The following RUNX1 variants were observed in gnomAD, a reference collection of about 807,000 sequenced individuals.
RUNX1 encodes the protein RUNX family transcription factor 1.
In RUNX1, 19 loss-of-function variants were observed where a neutral mutation model predicts 42.8. The observed-to-expected ratio is 0.44, with a 90% CI of 0.31 to 0.65. The LOEUF (loss-of-function observed/expected upper bound fraction) is 0.65. Ranked by LOEUF, RUNX1 falls within the 30% of genes least tolerant of loss-of-function variation. The pLI is 0.07. For synonymous variants in RUNX1, 271 were observed against 289.4 expected (o/e 0.94, Z 0.64); for missense variants, 528 against 672.0 (o/e 0.79, Z 2.37).
chr21:34,951,754 T>G (rs1268954093), intron 2 of RUNX1, among the ~76,000 whole-genome samples: 1 of 152,074 alleles, frequency 6.6e-6, no homozygotes, highest in African/African-American at 2.4e-5. Context: ...TGTGGAGAAA[T>G]AGGAAAGCTT....
chr21:34,886,624 C>T (rs1042573365), intron 4 of RUNX1, among the ~76,000 whole-genome samples: 1 of 152,262 alleles, frequency 6.6e-6, no homozygotes, highest in Non-Finnish European at 1.5e-5. Flanking sequence ...ATGTTTTCAG[C>T]CCTCCTGGGA....
chr21:34,999,107 G>A (rs114442783), intron 2 of RUNX1, among the ~76,000 whole-genome samples: 28 of 152,330 alleles, frequency 1.8e-4, no homozygotes, highest in African/African-American at 6.3e-4. Context: ...CTTTGGGTGA[G>A]CAGGGCAGCA....
chr21:35,047,858 G>A (rs1005727126), intron 2 of RUNX1, among the ~76,000 whole-genome samples: 2 of 152,164 alleles, frequency 1.3e-5, no homozygotes, highest in Admixed American at 6.5e-5. Flanking sequence ...GTCAGAGTGC[G>A]TGCCCCGACG....
At chr21:34,834,156 T>C (rs1184004889) in intron 7 of RUNX1, 1 of 692,832 alleles carries the variant, frequency 1.4e-6, no homozygotes, top group East Asian at 2.7e-5. Context: ...GAGCTCCTCG[T>C]ATCCTCTGTA....
At chr21:34,962,190 G>T (rs900343654) in intron 2 of RUNX1, among the ~76,000 whole-genome samples, 4 of 152,218 alleles carry the variant, frequency 2.6e-5, no homozygotes, top group African/African-American at 9.6e-5. Flanking sequence ...ACTGTGCCCA[G>T]CTGTAAGTTG....
At chr21:35,015,728 G>C (rs2059154502) in intron 2 of RUNX1, among the ~76,000 whole-genome samples, 1 of 152,200 alleles carries the variant, frequency 6.6e-6, no homozygotes, top group African/African-American at 2.4e-5. Flanking sequence ...TGGACTAGAA[G>C]AGAACTTGAC....
chr21:35,039,441 T>C (rs1205564072), intron 2 of RUNX1, among the ~76,000 whole-genome samples: 1 of 152,138 alleles, frequency 6.6e-6, no homozygotes, highest in African/African-American at 2.4e-5. Flanking sequence ...TTTATAATTA[T>C]AGATTTTAAA....
At chr21:34,834,882 C>T (rs916605721) in intron 6 of RUNX1, among the ~76,000 whole-genome samples, 4 of 152,144 alleles carry the variant, frequency 2.6e-5, no homozygotes, top group African/African-American at 9.7e-5. Context: ...CCAATGGGCA[C>T]AACTCACTGA....
chr21:34,847,171 C>G (rs1368347552), intron 6 of RUNX1, among the ~76,000 whole-genome samples: 1 of 152,080 alleles, frequency 6.6e-6, no homozygotes, highest in African/African-American at 2.4e-5. Flanking sequence ...TTTGGTCTTG[C>G]AAGAGAAAAG....
chr21:35,034,192 A>T (rs1374275124), intron 2 of RUNX1, among the ~76,000 whole-genome samples: 4 of 152,244 alleles, frequency 2.6e-5, no homozygotes, highest in Non-Finnish European at 5.9e-5. Flanking sequence ...CCCAGTCATC[A>T]ATCTGTAAAA....
intron 2 of RUNX1, among the ~76,000 whole-genome samples, chr21:35,044,141 A>C (rs2059380212): frequency 6.6e-6 from 1 of 152,212 alleles, no homozygotes; most frequent in Non-Finnish European, 1.5e-5. Context: ...CTGCTGGTGA[A>C]AAGCCCTTAG....
intron 2 of RUNX1, among the ~76,000 whole-genome samples, chr21:34,911,121 A>G (rs1278228652): frequency 6.6e-6 from 1 of 152,162 alleles, no homozygotes; most frequent in Non-Finnish European, 1.5e-5. Context: ...TTTGGAGTTC[A>G]CTGGGGGCAG....
intron 2 of RUNX1, among the ~76,000 whole-genome samples, chr21:34,999,979 C>T (rs1037594419): frequency 5.9e-5 from 9 of 152,316 alleles, no homozygotes; most frequent in Admixed American, 4.6e-4. Flanking sequence ...TGAGCTTTCA[C>T]CCAAGATGTT....
intron 5 of RUNX1, among the ~76,000 whole-genome samples, chr21:34,870,634 G>A (rs1013951563): frequency 1.3e-5 from 2 of 152,184 alleles, no homozygotes; most frequent in African/African-American, 2.4e-5. Flanking sequence ...TAAAGTCCAC[G>A]TGCTGACCAC....
intron 2 of RUNX1, among the ~76,000 whole-genome samples, chr21:34,967,811 T>C (rs1382134007): frequency 6.6e-6 from 1 of 152,186 alleles, no homozygotes; most frequent in East Asian, 1.9e-4. Flanking sequence ...CTGCCTTTAT[T>C]TCCAAGGCAG....
intron 2 of RUNX1, among the ~76,000 whole-genome samples, chr21:35,008,849 C>T (rs1339649298): frequency 6.6e-6 from 1 of 152,178 alleles, no homozygotes; most frequent in Admixed American, 6.5e-5. Context: ...TAAAATTACA[C>T]TTCTATTAGA....
chr21:34,916,068 T>C (rs2146537613), intron 2 of RUNX1, among the ~76,000 whole-genome samples: 1 of 152,278 alleles, frequency 6.6e-6, no homozygotes, highest in Non-Finnish European at 1.5e-5. Flanking sequence ...GAGTCATGAA[T>C]TATTTACCAT....
intron 2 of RUNX1, among the ~76,000 whole-genome samples, chr21:34,962,831 C>T (rs936354522): frequency 5.3e-5 from 8 of 152,174 alleles, no homozygotes; most frequent in African/African-American, 9.7e-5. Flanking sequence ...CCTGCCTCAC[C>T]GTTGTCACTG....
chr21:34,928,279 C>T (rs1414784189), intron 2 of RUNX1, among the ~76,000 whole-genome samples: 1 of 152,116 alleles, frequency 6.6e-6, no homozygotes, highest in African/African-American at 2.4e-5. Context: ...GAGTCTAGAG[C>T]TCTAGGTTTA....
Sources: allele counts gnomAD v4.1 joint callset (sites outside exome capture counted in the v4.1 genomes callset), GRCh38; gene constraint gnomAD v4.1.1; transcripts MANE v1.5; gene names NCBI Gene and HGNC (gene_info 2026-07-23, HGNC 2026-07-21).